The following GALNT18 variants were observed in gnomAD, a reference collection of about 807,000 sequenced individuals.
GALNT18 encodes the protein GalNAc-transferase 18.
A neutral mutation model predicts 69.5 loss-of-function variants in GALNT18; 44 were observed. The observed-to-expected ratio is 0.63, with a 90% CI of 0.50 to 0.81. The LOEUF (loss-of-function observed/expected upper bound fraction) is 0.81. GALNT18 is among the 40% of genes least tolerant of loss of function. GALNT18 has a pLI of 0.00. For synonymous variants in GALNT18, 364 were observed against 318.2 expected (o/e 1.14, Z -1.53); for missense variants, 715 against 810.0 (o/e 0.88, Z 1.42).
At chr11:11,400,560 C>T (rs113324253) in intron 3 of GALNT18, among the ~76,000 whole-genome samples, 34 of 152,274 alleles carry the variant, frequency 2.2e-4, no homozygotes, top group African/African-American at 8.2e-4. Context: ...ATTTATTTCT[C>T]ACAGTTCTGA....
chr11:11,293,074 G>C lies in GALNT18; in HGVS notation c.1632C>G (p.Ser544Arg). 1 of 1,390,196 alleles carries C rather than the reference G, an allele frequency of 7.2e-7. No homozygotes were observed. Among genetic ancestry groups the C allele is most frequent in the African/African-American group, 1.5e-5 (1 of 67,252 alleles). The allele number at this position is 1,390,196 out of a possible 1,614,324, so 86.1% of individuals were successfully genotyped here. Reference protein sequence around the residue: ...VNSRPRLIECSYAKAKRMKLH... With the variant: ...VNSRPRLIECRYAKAKRMKLH... ...GCTTCATCCTCTTGGCTTTGGCGTA[G>C]CTGCATTCGATGAGCCGGGGCCGGC... is the stretch of plus-strand genomic sequence containing the variant. Residue 544 changes from serine to arginine, a missense_variant, in exon 10 of 11, where the codon AGC becomes AGG. Transcript: ENST00000227756.
intron 1 of GALNT18, among the ~76,000 whole-genome samples, chr11:11,462,771 A>T (rs888966592): frequency 6.6e-6 from 1 of 152,232 alleles, no homozygotes; most frequent in Non-Finnish European, 1.5e-5. Flanking sequence ...GAAGTCACAC[A>T]GCCAGGCAGC....
chr11:11,363,840 G>A (rs1850695985), intron 6 of GALNT18, among the ~76,000 whole-genome samples: 1 of 151,758 alleles, frequency 6.6e-6, no homozygotes, highest in South Asian at 2.1e-4. Context: ...CAAGTCTGGA[G>A]CAGGAAATGT....
intron 6 of GALNT18, among the ~76,000 whole-genome samples, chr11:11,371,540 C>T (rs1037654965): frequency 6.6e-6 from 1 of 150,546 alleles, no homozygotes; most frequent in African/African-American, 2.4e-5. Context: ...CTACGGACAC[C>T]AGTAGGCACA....
chr11:11,536,538 G>A (rs994864492), intron 1 of GALNT18, among the ~76,000 whole-genome samples: 1 of 152,086 alleles, frequency 6.6e-6, no homozygotes, highest in African/African-American at 2.4e-5. Flanking sequence ...CTGCTATTCT[G>A]GCCTCTGATA....
At chr11:11,321,649 C>A (rs1478250786) in intron 9 of GALNT18, among the ~76,000 whole-genome samples, 1 of 152,180 alleles carries the variant, frequency 6.6e-6, no homozygotes, top group Admixed American at 6.5e-5. Flanking sequence ...GTCGCTCAGG[C>A]TGGAGGGCAG....
chr11:11,548,104 C>A (rs1184651273), intron 1 of GALNT18, among the ~76,000 whole-genome samples: 1 of 152,212 alleles, frequency 6.6e-6, no homozygotes, highest in Non-Finnish European at 1.5e-5. Context: ...CAGACCTTTA[C>A]CATTTTTCAT....
At chr11:11,321,980 G>T (rs1849848322) in intron 9 of GALNT18, among the ~76,000 whole-genome samples, 1 of 152,188 alleles carries the variant, frequency 6.6e-6, no homozygotes, top group African/African-American at 2.4e-5. Context: ...GTCCAGGGTT[G>T]GTTGCAGCTA....
At position 11,404,376 on chromosome 11, in the gene GALNT18, C is replaced by T. The variant is rs2133743547; in HGVS notation, c.596-25112G>A. Among the ~76,000 whole-genome samples the T allele has an allele frequency of 6.6e-6, 1 of 152,274 alleles. No individual in the cohort carries two copies. Among genetic ancestry groups the T allele is most frequent in the African/African-American group, 2.4e-5 (1 of 41,550 alleles). ...ACTTCGGCTGCTTTTATTCTCTCAC[C>T]CTCCCTAGGGAAAGCAAATGCCCAT... On this transcript the variant is annotated intron_variant, in intron 3 of 10. Transcript: ENST00000227756. This position sits in a 1 kb window ranked among gnomAD's most constrained non-coding sequence, Gnocchi z 4.5.
At chr11:11,283,162 A>AT (rs1225474089) in intron 10 of GALNT18, among the ~76,000 whole-genome samples, 2 of 151,218 alleles carry the variant, frequency 1.3e-5, no homozygotes, top group South Asian at 2.1e-4. Flanking sequence ...TTGGCTTTTT[A>AT]TTTTTTTCTT....
intron 9 of GALNT18, among the ~76,000 whole-genome samples, chr11:11,313,596 A>G (rs1367530293): frequency 1.3e-5 from 2 of 152,146 alleles, no homozygotes; most frequent in Non-Finnish European, 2.9e-5. Context: ...CTCTGTCTAG[A>G]GAACTTCCTG....
intron 6 of GALNT18, among the ~76,000 whole-genome samples, chr11:11,350,558 T>C (rs957701881): frequency 6.6e-6 from 1 of 151,766 alleles, no homozygotes; most frequent in African/African-American, 2.4e-5. Context: ...AGGAGTAGAG[T>C]GGTCTCCAAA....
intron 4 of GALNT18, among the ~76,000 whole-genome samples, chr11:11,378,511 T>A (rs1272511748): frequency 6.6e-6 from 1 of 152,052 alleles, no homozygotes; most frequent in Non-Finnish European, 1.5e-5. Flanking sequence ...CTGGTCCCTT[T>A]CCCCCCAGCA....
chr11:11,620,647 G>A lies in GALNT18; in HGVS notation c.235+712C>T, dbSNP rs2133979326. Among the ~76,000 whole-genome samples the A allele has an allele frequency of 6.6e-6, 1 of 152,292 alleles. No homozygotes were observed. The highest frequency in any genetic ancestry group is 1.9e-4 in the East Asian group (1 of 5,154). On this transcript the variant is annotated intron_variant, in intron 1 of 10. Coordinates refer to ENST00000227756, the MANE Select transcript of GALNT18 (RefSeq NM_198516.3). This position sits in a 1 kb window ranked among gnomAD's most constrained non-coding sequence, Gnocchi z 6.9. ...GGGCGTGTTCTTCCAGTCTTGGGCG[G>A]AGTCATCACCACAGTGGACAGAGAC... is the stretch of plus-strand genomic sequence containing the variant.
chr11:11,529,484 C>G (rs757370549), intron 1 of GALNT18, among the ~76,000 whole-genome samples: 2 of 152,178 alleles, frequency 1.3e-5, no homozygotes, highest in African/African-American at 2.4e-5. Flanking sequence ...CTGGAACTTA[C>G]ACCATCTGCT....
chr11:11,573,303 T>A lies in GALNT18; in HGVS notation c.235+48056A>T, dbSNP rs1858836708. On this transcript the variant is annotated intron_variant, in intron 1 of 10. Transcript: ENST00000227756. This position sits in a 1 kb window ranked among gnomAD's most constrained non-coding sequence, Gnocchi z 4.6. ...TCTGTCCCCGGGTGGGGCCGCAGCATCACAGTGCCTGTGGGAAGGCTGGGC... is the reference window on the plus strand; with the variant it reads ...TCTGTCCCCGGGTGGGGCCGCAGCAACACAGTGCCTGTGGGAAGGCTGGGC... Among the ~76,000 whole-genome samples, 1 of 152,174 alleles carries A rather than the reference T, an allele frequency of 6.6e-6. No individual in the cohort carries two copies. Among genetic ancestry groups the A allele is most frequent in the South Asian group, 2.1e-4 (1 of 4,822 alleles).
intron 10 of GALNT18, among the ~76,000 whole-genome samples, chr11:11,279,757 TGGGCA>T (rs1256565323): frequency 1.3e-5 from 2 of 152,170 alleles, no homozygotes; most frequent in Non-Finnish European, 1.5e-5. Flanking sequence ...GGGAAGGTGA[TGGGCA>T]GGAAATCACA....
intron 3 of GALNT18, among the ~76,000 whole-genome samples, chr11:11,401,070 A>G (rs567659016): frequency 6.6e-6 from 1 of 152,252 alleles, no homozygotes; most frequent in East Asian, 1.9e-4. Context: ...TCAGGGGAAG[A>G]CTGGATTCCA....
At chr11:11,359,803 A>T (rs1850604973) in intron 6 of GALNT18, among the ~76,000 whole-genome samples, 1 of 152,190 alleles carries the variant, frequency 6.6e-6, no homozygotes. Context: ...GAAAAACAAC[A>T]CAACCTAGTG....
Sources: allele counts gnomAD v4.1 joint callset (sites outside exome capture counted in the v4.1 genomes callset), GRCh38; gene constraint gnomAD v4.1.1; non-coding constraint Gnocchi (gnomAD v3.1); transcripts MANE v1.5; gene names NCBI Gene and HGNC (gene_info 2026-07-23, HGNC 2026-07-21).